LGR5: variants seen among roughly 807,000 people sequenced by gnomAD.
The protein encoded by LGR5 is leucine-rich repeat-containing G protein-coupled receptor 5.
In LGR5, 54 loss-of-function variants were observed where a neutral mutation model predicts 76.7. The ratio of observed to expected loss-of-function variants is 0.70; its 90% CI spans 0.57 to 0.88. LGR5 has a LOEUF of 0.88. Ranked by LOEUF, LGR5 falls within the 40% of genes least tolerant of loss-of-function variation. The probability of loss-of-function intolerance (pLI) is 0.00; values close to 1 mark genes in which losing one functional copy is unlikely to be tolerated. For missense variants in LGR5, 1,078 were observed against 1,073.3 expected (o/e 1.00, Z -0.06); for synonymous variants, 406 against 421.9 (o/e 0.96, Z 0.46).
chr12:71,472,547 A>C (rs536909385), intron 1 of LGR5, among the ~76,000 whole-genome samples: 1 of 152,356 alleles, frequency 6.6e-6, no homozygotes, highest in South Asian at 2.1e-4. Flanking sequence ...AATAGGTTTC[A>C]CAAAGCTGTC....
intron 2 of LGR5, among the ~76,000 whole-genome samples, chr12:71,514,405 A>G (rs542387635): frequency 2.6e-5 from 4 of 152,064 alleles, no homozygotes; most frequent in African/African-American, 4.8e-5. Flanking sequence ...CGTATCTACT[A>G]AAAACATAAA....
At chr12:71,483,016 T>A (rs897708895) in intron 1 of LGR5, among the ~76,000 whole-genome samples, 1 of 151,970 alleles carries the variant, frequency 6.6e-6, no homozygotes, top group African/African-American at 2.4e-5. Flanking sequence ...TAAGACAAAT[T>A]TGGGAAAATT....
chr12:71,450,933 G>C (rs947413377), intron 1 of LGR5, among the ~76,000 whole-genome samples: 1 of 152,124 alleles, frequency 6.6e-6, no homozygotes, highest in South Asian at 2.1e-4. Context: ...GAACACCTCA[G>C]TTTAGCCCAC....
At chr12:71,448,223 C>T (rs999386187) in intron 1 of LGR5, among the ~76,000 whole-genome samples, 5 of 152,134 alleles carry the variant, frequency 3.3e-5, no homozygotes, top group South Asian at 2.1e-4. Context: ...CTTTTGTTCT[C>T]CTTTTTTCTT....
intron 3 of LGR5, among the ~76,000 whole-genome samples, chr12:71,526,228 G>C (rs1565721059): frequency 6.6e-6 from 1 of 152,082 alleles, no homozygotes. Flanking sequence ...TATCTATTGT[G>C]TATTAAACAA....
chr12:71,572,083 CTTTTT>C (rs35367098), intron 12 of LGR5, among the ~76,000 whole-genome samples: 1 of 137,516 alleles, frequency 7.3e-6, no homozygotes, highest in Non-Finnish European at 1.6e-5. Flanking sequence ...AAACATCAGC[CTTTTT>C]TTTTTTTTTT....
chr12:71,469,714 A>G (rs1264535003), intron 1 of LGR5, among the ~76,000 whole-genome samples: 1 of 152,142 alleles, frequency 6.6e-6, no homozygotes, highest in Admixed American at 6.5e-5. Flanking sequence ...CACCTCCCCC[A>G]AACCCTGGAA....
chr12:71,516,366 C>A (rs1321970773), intron 2 of LGR5, among the ~76,000 whole-genome samples: 2 of 151,892 alleles, frequency 1.3e-5, no homozygotes, highest in African/African-American at 4.8e-5. Flanking sequence ...AAGAACTGAC[C>A]CAGGAGGTCT....
chr12:71,522,097 T>G (rs1338005435), intron 2 of LGR5, among the ~76,000 whole-genome samples: 1 of 152,130 alleles, frequency 6.6e-6, no homozygotes, highest in African/African-American at 2.4e-5. Context: ...GTGGAGGGCA[T>G]GTCTAAAAAA....
intron 1 of LGR5, among the ~76,000 whole-genome samples, chr12:71,499,637 T>C (rs1874502455): frequency 2.0e-5 from 3 of 152,142 alleles, no homozygotes; most frequent in African/African-American, 7.2e-5. Flanking sequence ...TTGGACAGGT[T>C]GTATCCTGCA....
chr12:71,583,039 G>A (rs943728376), intron 17 of LGR5, among the ~76,000 whole-genome samples: 3 of 142,964 alleles, frequency 2.1e-5, no homozygotes, highest in African/African-American at 7.6e-5. Flanking sequence ...GAAGGGGAGG[G>A]GAAGAGATGG....
intron 3 of LGR5, 58 bp from the exon 4 acceptor site, chr12:71,535,057 T>G: frequency 1.5e-4 from 175 of 1,132,094 alleles, no homozygotes; most frequent in Middle Eastern, 2.4e-4. Flanking sequence ...CTGGCCTTGT[T>G]TAGGCCTGTT....
intron 13 of LGR5, among the ~76,000 whole-genome samples, chr12:71,575,755 T>TGTGTGTGG (rs1002909313): frequency 3.3e-5 from 5 of 151,576 alleles, no homozygotes; most frequent in African/African-American, 1.2e-4. Flanking sequence ...TGTGTGTGTG[T>TGTGTGTGG]GTGTATCATT....
intron 1 of LGR5, among the ~76,000 whole-genome samples, chr12:71,462,030 C>A (rs1872704694): frequency 1.3e-5 from 2 of 152,190 alleles, no homozygotes; most frequent in Admixed American, 1.3e-4. Context: ...CTGTGCTTGA[C>A]ACATGCCTGC....
chr12:71,464,702 G>C (rs1395214435), intron 1 of LGR5, among the ~76,000 whole-genome samples: 3 of 152,158 alleles, frequency 2.0e-5, no homozygotes, highest in Non-Finnish European at 2.9e-5. Context: ...GGATACATCT[G>C]TTGTTTGAAT....
chr12:71,566,856 A>T lies in LGR5; in HGVS notation c.1014A>T (p.Ala338=). The T allele has an allele frequency of 6.2e-7, 1 of 1,613,764 alleles. No homozygotes were observed. The highest frequency in any genetic ancestry group is 8.5e-7 in the Non-Finnish European group (1 of 1,179,656). Residue 338 remains alanine, a synonymous_variant, in exon 11 of 18, where the codon GCA becomes GCT. Transcript: ENST00000266674. ...ANLESLTLTG[A]QISSLPQTVC... Reference sequence around the variant, plus strand: ...GTTTTAACAGGACTTTAACTGGAGCACAGATCTCATCTCTTCCTCAAACCG... The same window carrying T: ...GTTTTAACAGGACTTTAACTGGAGCTCAGATCTCATCTCTTCCTCAAACCG...
intron 13 of LGR5, among the ~76,000 whole-genome samples, chr12:71,574,301 CA>C (rs1726461): frequency 1.8e-3 from 92 of 50,220 alleles, no homozygotes; most frequent in African/African-American, 7.4e-3. Context: ...GACTCTGTCT[CA>C]AAAAAAAAAA....
chr12:71,456,906 T>C (rs149776022), intron 1 of LGR5, among the ~76,000 whole-genome samples: 99 of 152,204 alleles, frequency 6.5e-4, no homozygotes, highest in Non-Finnish European at 1.1e-3. Flanking sequence ...CTTTCCTGTC[T>C]TGGGTAACGT....
In LGR5 at chr12:71,440,404, G is replaced by A. The variant is rs965557176; in HGVS notation, c.212+112G>A. The stretch of plus-strand genomic sequence containing the variant: ...CCGCCTGCTCGTGGGGGAGGGGGGC[G>A]AGTTTGTCAAGGGCATCCTGGCCAG... On this transcript the variant is annotated intron_variant, in intron 1 of 17. Transcript: ENST00000266674. This position sits in a 1 kb window ranked among gnomAD's most constrained non-coding sequence, Gnocchi z 5.3. 2.9e-6 allele frequency: 3 copies of A among 1,044,886 alleles called. No homozygotes were observed. Among genetic ancestry groups the A allele is most frequent in the African/African-American group, 1.6e-5 (1 of 64,064 alleles). The allele number at this position is 1,044,886 out of a possible 1,614,324, so 64.7% of individuals were successfully genotyped here. A position where few individuals can be genotyped will look rare whatever the true frequency, so the allele number is the denominator to read the frequency against.
Sources: gnomAD v4.1 joint callset for allele counts (sites outside exome capture counted in the v4.1 genomes callset) on GRCh38, gnomAD v4.1.1 for gene constraint, Gnocchi (gnomAD v3.1) non-coding constraint, MANE v1.5 for transcripts, NCBI Gene and HGNC (gene_info 2026-07-23, HGNC 2026-07-21) for gene names.